ZMAT4: variants seen among roughly 807,000 people sequenced by gnomAD.
ZMAT4 encodes zinc finger matrin-type 4, also known as zinc finger matrin-type protein 4.
ZMAT4 carries 17 observed loss-of-function variants against 28.7 expected under a neutral mutation model. The observed-to-expected ratio is 0.59, with a 90% CI of 0.41 to 0.89. The LOEUF (loss-of-function observed/expected upper bound fraction) is 0.89. Ranked by LOEUF, ZMAT4 falls within the 40% of genes least tolerant of loss-of-function variation. The pLI, the probability that ZMAT4 is intolerant of heterozygous loss-of-function variation, is 0.00. For synonymous variants in ZMAT4, 117 were observed against 109.2 expected (o/e 1.07, Z -0.44); for missense variants, 240 against 283.8 (o/e 0.85, Z 1.11).
chr8:40,542,271 G>A (rs1050461221), intron 6 of ZMAT4, among the ~76,000 whole-genome samples: 1 of 152,178 alleles, frequency 6.6e-6, no homozygotes, highest in African/African-American at 2.4e-5. Flanking sequence ...GACCAGGGAG[G>A]CTGTACTCAT....
intron 3 of ZMAT4, among the ~76,000 whole-genome samples, chr8:40,766,164 C>A (rs184736282): frequency 7.9e-5 from 12 of 152,328 alleles, no homozygotes; most frequent in African/African-American, 2.2e-4. Context: ...CTGACCAGAG[C>A]CCCTTGGCAT....
At chr8:40,701,296 T>C (rs1361548149) in intron 3 of ZMAT4, among the ~76,000 whole-genome samples, 2 of 152,144 alleles carry the variant, frequency 1.3e-5, no homozygotes, top group African/African-American at 4.8e-5. Context: ...GATATAGGTA[T>C]GCCATAGTTG....
At chr8:40,687,143 T>C (rs1161177644) in intron 4 of ZMAT4, among the ~76,000 whole-genome samples, 1 of 152,120 alleles carries the variant, frequency 6.6e-6, no homozygotes, top group East Asian at 1.9e-4. Flanking sequence ...AGAGATGATA[T>C]GAGGAAGAAA....
rs184677842 is a variant in ZMAT4, at chr8:40,631,084, C to T, written c.577+43620G>A. 9.2e-5 allele frequency among the ~76,000 whole-genome samples: 14 copies of T among 152,124 alleles called. No individual in the cohort carries two copies. The East Asian group carries it at 2.5e-3, about 27-fold the overall frequency. ...TCAAGTGCTCAATAGCAACATGTGG[C>T]TCTTGGCTATCATATTAGACCACAC... On this transcript the variant is annotated intron_variant, in intron 5 of 6. Coordinates refer to ENST00000297737, the MANE Select transcript of ZMAT4 (RefSeq NM_024645.3).
chr8:40,592,899 A>G (rs1033481911), intron 5 of ZMAT4, among the ~76,000 whole-genome samples: 3 of 152,224 alleles, frequency 2.0e-5, no homozygotes, highest in African/African-American at 7.2e-5. Flanking sequence ...AACCTAAGGA[A>G]TTAAGCTGTT....
chr8:40,877,884 C>T (rs187873176), intron 1 of ZMAT4, among the ~76,000 whole-genome samples: 1 of 152,140 alleles, frequency 6.6e-6, no homozygotes, highest in African/African-American at 2.4e-5. Context: ...AAGCAAAACA[C>T]CTGGGCGCAT....
chr8:40,657,784 G>C (rs976074865), intron 5 of ZMAT4, among the ~76,000 whole-genome samples: 27 of 152,176 alleles, frequency 1.8e-4, no homozygotes, highest in Admixed American at 5.2e-4. Flanking sequence ...TTCGCTTAAA[G>C]TCTCAGTTTC....
chr8:40,878,511 C>G (rs1379058527), intron 1 of ZMAT4, among the ~76,000 whole-genome samples: 2 of 152,192 alleles, frequency 1.3e-5, no homozygotes, highest in Admixed American at 1.3e-4. Context: ...AGTTGTCCAA[C>G]TTAGAAAAAT....
intron 5 of ZMAT4, among the ~76,000 whole-genome samples, chr8:40,631,517 G>A (rs1047048070): frequency 6.6e-6 from 1 of 152,004 alleles, no homozygotes. Context: ...TAGAAAAGCT[G>A]AGCAACTTGT....
intron 3 of ZMAT4, among the ~76,000 whole-genome samples, chr8:40,760,144 G>A (rs1812865058): frequency 6.6e-6 from 1 of 152,086 alleles, no homozygotes; most frequent in Admixed American, 6.5e-5. Flanking sequence ...ATAATCGACT[G>A]ACTACATATG....
At chr8:40,889,070 C>T (rs1201635504) in intron 1 of ZMAT4, among the ~76,000 whole-genome samples, 2 of 152,208 alleles carry the variant, frequency 1.3e-5, no homozygotes, top group Non-Finnish European at 2.9e-5. Flanking sequence ...CCAAGACAGC[C>T]TTTTGCTCGG....
intron 3 of ZMAT4, among the ~76,000 whole-genome samples, chr8:40,749,944 C>A (rs941038504): frequency 1.3e-5 from 2 of 152,146 alleles, no homozygotes; most frequent in Non-Finnish European, 2.9e-5. Flanking sequence ...GCAGATTTCC[C>A]AATGCAGCCT....
intron 6 of ZMAT4, among the ~76,000 whole-genome samples, chr8:40,551,681 A>G (rs550189009): frequency 6.6e-6 from 1 of 152,278 alleles, no homozygotes; most frequent in East Asian, 1.9e-4. Context: ...GTCGAGACCA[A>G]GGTATTTTTC....
intron 1 of ZMAT4, among the ~76,000 whole-genome samples, chr8:40,846,863 G>C (rs1816921177): frequency 6.6e-6 from 1 of 152,194 alleles, no homozygotes; most frequent in Non-Finnish European, 1.5e-5. Flanking sequence ...AATTCAGGCT[G>C]TTCTGTATGG....
chr8:40,671,079 A>G (rs1808647506), intron 5 of ZMAT4, among the ~76,000 whole-genome samples: 1 of 152,066 alleles, frequency 6.6e-6, no homozygotes, highest in South Asian at 2.1e-4. Context: ...AAAAAAAAAA[A>G]AAAGTACTTG....
chr8:40,877,858 G>A (rs1312853138), intron 1 of ZMAT4, among the ~76,000 whole-genome samples: 1 of 152,182 alleles, frequency 6.6e-6, no homozygotes, highest in African/African-American at 2.4e-5. Context: ...CCACGGTCAT[G>A]TCAGATCTTT....
chr8:40,691,606 T>A (rs1019150172), intron 4 of ZMAT4, among the ~76,000 whole-genome samples: 1 of 152,176 alleles, frequency 6.6e-6, no homozygotes, highest in Non-Finnish European at 1.5e-5. Context: ...AGTGGATTCA[T>A]AAATACAGAA....
At chr8:40,724,906 C>T (rs532651594) in intron 3 of ZMAT4, among the ~76,000 whole-genome samples, 4 of 152,222 alleles carry the variant, frequency 2.6e-5, no homozygotes, top group African/African-American at 4.8e-5. Context: ...GGGATGATAC[C>T]TTTAGCTCCC....
rs138098112 is a variant in ZMAT4 at position 40,864,672 on chromosome 8, A to C, written c.-5+33011T>G. Among the ~76,000 whole-genome samples, 6 of 152,262 alleles carry C rather than the reference A, an allele frequency of 3.9e-5. No individual in the cohort carries two copies. In the East Asian group the frequency reaches 1.2e-3, roughly 29 times the overall value. ...TTAAATTCTTTGTCTCAGTGATGACAGTTGGGTTGTGACCTACCCCAGTGA... is the reference window on the plus strand; with the variant it reads ...TTAAATTCTTTGTCTCAGTGATGACCGTTGGGTTGTGACCTACCCCAGTGA... On this transcript the variant is annotated intron_variant, in intron 1 of 6. Transcript: ENST00000297737.
Sources: allele counts gnomAD v4.1 joint callset (sites outside exome capture counted in the v4.1 genomes callset), GRCh38; gene constraint gnomAD v4.1.1; transcripts MANE v1.5; gene names NCBI Gene and HGNC (gene_info 2026-07-23, HGNC 2026-07-21).